GSG1L: variants seen among roughly 807,000 people sequenced by gnomAD.
The protein encoded by GSG1L is GSG1 like, also known as germ cell-specific gene 1-like protein.
In GSG1L, 24 loss-of-function variants were observed where a neutral mutation model predicts 42.1. That is an observed-to-expected ratio of 0.57 (90% CI 0.41 to 0.80). GSG1L has a LOEUF of 0.80. Among genes scored for constraint, GSG1L ranks in the 30% least tolerant of loss-of-function variants. The pLI is 0.00. For synonymous variants in GSG1L, 215 were observed against 203.5 expected (o/e 1.06, Z -0.48); for missense variants, 445 against 472.2 (o/e 0.94, Z 0.53).
intron 2 of GSG1L, among the ~76,000 whole-genome samples, chr16:27,962,217 T>G (rs2085080089): frequency 6.6e-6 from 1 of 152,228 alleles, no homozygotes; most frequent in African/African-American, 2.4e-5. Flanking sequence ...GACTTTCAGC[T>G]AGGCACAGCA....
intron 2 of GSG1L, among the ~76,000 whole-genome samples, chr16:27,941,427 T>TC (rs1197992030): frequency 6.7e-6 from 1 of 149,732 alleles, no homozygotes; most frequent in Non-Finnish European, 1.5e-5. Flanking sequence ...TCCCAACACT[T>TC]TAGGAGATCA....
rs1168158676 is a variant in GSG1L, at chr16:28,063,591, G to T, written c.-167C>A. 1.6e-5 allele frequency: 3 copies of T among 187,368 alleles called. No individual in the cohort carries two copies. The highest frequency in any genetic ancestry group is 2.0e-5 in the Non-Finnish European group (2 of 101,814). The allele number at this position is 187,368 out of a possible 1,614,324, so 11.6% of individuals were successfully genotyped here. A position where few individuals can be genotyped will look rare whatever the true frequency, so the allele number is the denominator to read the frequency against. On this transcript the variant is annotated 5_prime_UTR_variant, in exon 1 of 7. Coordinates refer to ENST00000447459, the MANE Select transcript of GSG1L (RefSeq NM_001109763.2). The surrounding 1 kb of genome is among the most constrained non-coding windows in gnomAD (Gnocchi z 5.8). The stretch of plus-strand genomic sequence containing the variant: ...GGGCCCATGCCCCCCCCAACCCCGG[G>T]GTGGGGGCGCGGCGCGGGGGGCGTG...
chr16:27,857,844 G>A (rs915658445), intron 3 of GSG1L, among the ~76,000 whole-genome samples: 2 of 151,722 alleles, frequency 1.3e-5, no homozygotes, highest in African/African-American at 4.8e-5. Flanking sequence ...AATAGTCACT[G>A]TATTCATGTC....
chr16:27,967,397 C>T (rs9941164), intron 1 of GSG1L, among the ~76,000 whole-genome samples: 5 of 152,026 alleles, frequency 3.3e-5, no homozygotes, highest in Non-Finnish European at 7.4e-5. Context: ...AAGAATCACA[C>T]GGCCACAGAT....
intron 3 of GSG1L, among the ~76,000 whole-genome samples, chr16:27,853,158 T>A (rs568551788): frequency 6.6e-6 from 1 of 152,212 alleles, no homozygotes; most frequent in African/African-American, 2.4e-5. Flanking sequence ...ATAAATCTCT[T>A]ATCTGAACGT....
Position 27,927,497 on chromosome 16 carries a change from G to A in GSG1L, c.397+35659C>T, listed in dbSNP as rs536013483. On this transcript the variant is annotated intron_variant, in intron 2 of 6. Transcript: ENST00000447459. ...CACCTGCTCTGTGGGGCTCAGGCCC[G>A]GCCCCTCCCAAGTCTCCACACTCAC... 8.7e-4 allele frequency among the ~76,000 whole-genome samples: 133 copies of A among 152,070 alleles called. No individual in the cohort carries two copies. The Middle Eastern group carries it at 0.01, about 12-fold the overall frequency.
intron 2 of GSG1L, among the ~76,000 whole-genome samples, chr16:27,961,615 T>C (rs1263503477): frequency 6.6e-6 from 1 of 152,214 alleles, no homozygotes; most frequent in African/African-American, 2.4e-5. Context: ...TGCGACGTGC[T>C]TGGCACTGTA....
At chr16:27,862,848 G>C (rs2083670590) in intron 3 of GSG1L, among the ~76,000 whole-genome samples, 1 of 152,164 alleles carries the variant, frequency 6.6e-6, no homozygotes, top group South Asian at 2.1e-4. Context: ...AAACAGAGCA[G>C]GCTGAGTCCA....
At chr16:27,978,141 A>C (rs1374812047) in intron 1 of GSG1L, among the ~76,000 whole-genome samples, 1 of 152,174 alleles carries the variant, frequency 6.6e-6, no homozygotes, top group Non-Finnish European at 1.5e-5. Context: ...CCCTCAGCAG[A>C]AATGAGTCTT....
intron 2 of GSG1L, among the ~76,000 whole-genome samples, chr16:27,956,744 C>G (rs1017045036): frequency 3.3e-5 from 5 of 152,070 alleles, no homozygotes; most frequent in African/African-American, 9.7e-5. Flanking sequence ...AGCCTATATC[C>G]TGGAACCAAG....
chr16:28,025,046 G>C (rs1046360770), intron 1 of GSG1L, among the ~76,000 whole-genome samples: 3 of 152,212 alleles, frequency 2.0e-5, no homozygotes, highest in African/African-American at 7.2e-5. Context: ...TGCTGTGATA[G>C]GAGCTCCTGT....
chr16:28,057,000 G>A (rs1201824701), intron 1 of GSG1L, among the ~76,000 whole-genome samples: 3 of 152,166 alleles, frequency 2.0e-5, no homozygotes, highest in African/African-American at 7.2e-5. Context: ...GTTCCTGGAG[G>A]CAAGGAACAG....
chr16:27,854,218 T>G (rs1285201186), intron 3 of GSG1L, among the ~76,000 whole-genome samples: 37 of 62,888 alleles, frequency 5.9e-4, no homozygotes, highest in Admixed American at 1.3e-3. Flanking sequence ...AGGGGGAGGA[T>G]GGGAAAGGCT....
At chr16:27,804,429 C>T (rs1304831028) in intron 6 of GSG1L, among the ~76,000 whole-genome samples, 1 of 152,022 alleles carries the variant, frequency 6.6e-6, no homozygotes, top group East Asian at 2.0e-4. Flanking sequence ...TGAAGGAGTG[C>T]CCCTGCCCTG....
intron 3 of GSG1L, among the ~76,000 whole-genome samples, chr16:27,859,961 C>T (rs529085956): frequency 4.6e-4 from 70 of 152,294 alleles, no homozygotes; most frequent in Admixed American, 1.0e-3. Context: ...GTATTACAGA[C>T]GTGAGCTGCC....
intron 2 of GSG1L, among the ~76,000 whole-genome samples, chr16:27,886,941 C>CTCTT (rs957126010): frequency 2.6e-5 from 4 of 151,946 alleles, no homozygotes; most frequent in African/African-American, 9.7e-5. Context: ...TTTTCTTTCT[C>CTCTT]TCTTTCTTTC....
At chr16:28,047,246 C>A (rs757193323) in intron 1 of GSG1L, among the ~76,000 whole-genome samples, 1 of 152,012 alleles carries the variant, frequency 6.6e-6, no homozygotes, top group Non-Finnish European at 1.5e-5. Context: ...TCTCATCCTA[C>A]CAGGAAATAT....
intron 4 of GSG1L, among the ~76,000 whole-genome samples, chr16:27,836,137 C>A (rs1319340587): frequency 3.3e-5 from 5 of 152,060 alleles, no homozygotes; most frequent in African/African-American, 4.8e-5. Flanking sequence ...TAGTTCTTTT[C>A]TTTCAGCATT....
chr16:27,886,628 G>A lies in GSG1L; in HGVS notation c.398-1990C>T, dbSNP rs72782182. Reference sequence around the variant, plus strand: ...ATATCTAATGGAGACTGGAAATACAGCCCAGGGGCTCTTGACGAGGTCAAG... The same window carrying A: ...ATATCTAATGGAGACTGGAAATACAACCCAGGGGCTCTTGACGAGGTCAAG... On this transcript the variant is annotated intron_variant, in intron 2 of 6. Coordinates refer to ENST00000447459, the MANE Select transcript of GSG1L (RefSeq NM_001109763.2). Among the ~76,000 whole-genome samples the A allele has an allele frequency of 4.6e-3, 697 of 152,334 alleles. 3 individuals carry two copies. Among genetic ancestry groups the A allele is most frequent in the Non-Finnish European group, 7.3e-3 (500 of 68,028 alleles).
Sources: gnomAD v4.1 joint callset for allele counts (sites outside exome capture counted in the v4.1 genomes callset) on GRCh38, gnomAD v4.1.1 for gene constraint, Gnocchi (gnomAD v3.1) non-coding constraint, MANE v1.5 for transcripts, NCBI Gene and HGNC (gene_info 2026-07-23, HGNC 2026-07-21) for gene names.